Variants in APBA1 observed in about 807,000 individuals in gnomAD.
APBA1 encodes amyloid beta precursor protein binding family A member 1.
APBA1 carries 55 observed loss-of-function variants against 86.6 expected under a neutral mutation model. The ratio of observed to expected loss-of-function variants is 0.64; its 90% CI spans 0.51 to 0.80. The LOEUF (loss-of-function observed/expected upper bound fraction) is 0.80. Among genes scored for constraint, APBA1 ranks in the 30% least tolerant of loss-of-function variants. The pLI is 0.00. For missense variants in APBA1, 1,090 were observed against 1,183.0 expected (o/e 0.92, Z 1.15); for synonymous variants, 511 against 493.9 (o/e 1.03, Z -0.46).
intron 1 of APBA1, among the ~76,000 whole-genome samples, chr9:69,600,321 T>G (rs1486000428): frequency 1.3e-5 from 2 of 152,224 alleles, no homozygotes; most frequent in African/African-American, 4.8e-5. Context: ...CTTCTGTCTC[T>G]TAGTAGCTGT....
At chr9:69,435,730 T>TTA (rs1834698270) in intron 11 of APBA1, among the ~76,000 whole-genome samples, 1 of 152,194 alleles carries the variant, frequency 6.6e-6, no homozygotes, top group Non-Finnish European at 1.5e-5. Flanking sequence ...ATTTTCTCCC[T>TTA]TTCTGTAGGT....
chr9:69,489,321 A>G (rs1305656986), intron 2 of APBA1, among the ~76,000 whole-genome samples: 7 of 152,072 alleles, frequency 4.6e-5, no homozygotes, highest in African/African-American at 1.4e-4. Flanking sequence ...CAGAAATAAT[A>G]CCACACATCT....
At chr9:69,627,240 T>TTTG (rs906392460) in intron 1 of APBA1, among the ~76,000 whole-genome samples, 2 of 152,110 alleles carry the variant, frequency 1.3e-5, no homozygotes, top group Admixed American at 1.3e-4. Flanking sequence ...GGGTTGCCTT[T>TTTG]TTGTTGTTGT....
intron 1 of APBA1, among the ~76,000 whole-genome samples, chr9:69,630,134 T>C (rs1200710191): frequency 6.7e-6 from 1 of 149,356 alleles, no homozygotes; most frequent in African/African-American, 2.5e-5. Context: ...CAATTCAAAA[T>C]GGGGCAGTCA....
chr9:69,578,520 G>C (rs778383007), intron 1 of APBA1, among the ~76,000 whole-genome samples: 1 of 152,112 alleles, frequency 6.6e-6, no homozygotes, highest in South Asian at 2.1e-4. Context: ...GCTTTGAGGT[G>C]GCAATCTGGT....
In APBA1 at chr9:69,650,612, A is replaced by C. The variant is rs563335395; in HGVS notation, c.-70+21541T>G. On this transcript the variant is annotated intron_variant, in intron 1 of 12. Transcript: ENST00000265381. ...AAAAACCTTCCTCAAATATGCACGA[A>C]TAACCTGAATTCAGTATACCTGTTC... 5.2e-4 allele frequency among the ~76,000 whole-genome samples: 79 copies of C among 152,358 alleles called. 1 individual carries two copies. The highest frequency in any genetic ancestry group is 5.8e-4 in the East Asian group (3 of 5,188).
chr9:69,565,640 C>T (rs1341903547), intron 1 of APBA1, among the ~76,000 whole-genome samples: 1 of 152,184 alleles, frequency 6.6e-6, no homozygotes. Context: ...AAAGCAGTGC[C>T]ATGGCAGCTG....
chr9:69,461,529 C>G (rs78697939), intron 5 of APBA1: 13,953 of 152,146 alleles, frequency 0.092, 793 homozygotes, highest in East Asian at 0.28. Flanking sequence ...CTTACAACAC[C>G]CCTGTGAGCT....
intron 1 of APBA1, among the ~76,000 whole-genome samples, chr9:69,613,842 C>T (rs1822641786): frequency 6.6e-6 from 1 of 152,192 alleles, no homozygotes; most frequent in Non-Finnish European, 1.5e-5. Context: ...AATCTTTGGA[C>T]ACACACTCTT....
chr9:69,587,349 T>G (rs1364995218), intron 1 of APBA1, among the ~76,000 whole-genome samples: 1 of 152,202 alleles, frequency 6.6e-6, no homozygotes, highest in African/African-American at 2.4e-5. Flanking sequence ...TTTGCCACTG[T>G]AAGCAAGAGG....
intron 1 of APBA1, among the ~76,000 whole-genome samples, chr9:69,540,886 T>C (rs181013843): frequency 1.3e-5 from 2 of 152,326 alleles, no homozygotes; most frequent in African/African-American, 4.8e-5. Context: ...ATTACAAGCA[T>C]GAGCCACCAC....
At chr9:69,603,058 A>C (rs1822387195) in intron 1 of APBA1, among the ~76,000 whole-genome samples, 2 of 152,198 alleles carry the variant, frequency 1.3e-5, no homozygotes, top group South Asian at 4.1e-4. Context: ...AAATAGCTAA[A>C]GAGAAAAAGA....
chr9:69,477,224 T>C (rs1351952639), intron 2 of APBA1, among the ~76,000 whole-genome samples: 1 of 151,504 alleles, frequency 6.6e-6, no homozygotes, highest in South Asian at 2.1e-4. Flanking sequence ...TTCATCTCAC[T>C]AGGGAGTGCC....
chr9:69,460,435 G>C (rs926404818), intron 5 of APBA1, among the ~76,000 whole-genome samples: 1 of 152,084 alleles, frequency 6.6e-6, no homozygotes. Flanking sequence ...AGGGATGTTC[G>C]GACTGGCATC....
intron 1 of APBA1, among the ~76,000 whole-genome samples, chr9:69,606,479 CTTTTTTTTTTTTTTTTTTTTT>C (rs35083481): frequency 3.9e-5 from 2 of 50,874 alleles, no homozygotes; most frequent in African/African-American, 1.4e-4. Context: ...AGGGAGCTAG[CTTTTTTTTTTTTTTTTTTTTT>C]TTTTTTTTTG....
chr9:69,527,236 T>C (rs55853784), intron 1 of APBA1, among the ~76,000 whole-genome samples: 1 of 152,038 alleles, frequency 6.6e-6, no homozygotes, highest in South Asian at 2.1e-4. Flanking sequence ...GTTGACATTT[T>C]AAAAAATTGT....
intron 1 of APBA1, among the ~76,000 whole-genome samples, chr9:69,581,312 A>G (rs983990191): frequency 6.6e-6 from 1 of 152,200 alleles, no homozygotes; most frequent in Admixed American, 6.6e-5. Flanking sequence ...GCAGCCCCTG[A>G]GATTCACTGA....
intron 1 of APBA1, among the ~76,000 whole-genome samples, chr9:69,553,115 A>C (rs893972233): frequency 6.6e-6 from 1 of 152,120 alleles, no homozygotes; most frequent in African/African-American, 2.4e-5. Flanking sequence ...CATGTTGCCC[A>C]CGTTAGTGTT....
chr9:69,464,527 T>C lies in APBA1; in HGVS notation c.1482+3296A>G, dbSNP rs573738518. On this transcript the variant is annotated intron_variant, in intron 5 of 12. Coordinates refer to ENST00000265381, the MANE Select transcript of APBA1 (RefSeq NM_001163.4). ...ATAATCAGAAAGCCTCTATCTTGGT[T>C]GTTCTGATCAACAGAGCCATCTAAT... 35 of 152,364 alleles carry C rather than the reference T, an allele frequency of 2.3e-4. No homozygotes were observed. The South Asian group carries it at 6.8e-3, about 30-fold the overall frequency. 9.4% of individuals were successfully genotyped at this position (152,364 alleles called of 1,614,324 possible).
Sources: gnomAD v4.1 joint callset for allele counts (sites outside exome capture counted in the v4.1 genomes callset) on GRCh38, gnomAD v4.1.1 for gene constraint, MANE v1.5 for transcripts, NCBI Gene and HGNC (gene_info 2026-07-23, HGNC 2026-07-21) for gene names.